Variants in RAI1 observed in about 807,000 individuals in gnomAD.
RAI1 encodes retinoic acid induced 1, also known as retinoic acid-induced protein 1.
A neutral mutation model predicts 123.8 loss-of-function variants in RAI1; 9 were observed. That is an observed-to-expected ratio of 0.07 (90% CI 0.04 to 0.13). RAI1 has a LOEUF of 0.13. RAI1 is among the 10% of genes least tolerant of loss of function. The probability of loss-of-function intolerance (pLI) is 1.00; values close to 1 mark genes in which losing one functional copy is unlikely to be tolerated. For synonymous variants in RAI1, 1,231 were observed against 1,127.3 expected (o/e 1.09, Z -1.84); for missense variants, 2,256 against 2,545.8 (o/e 0.89, Z 2.45).
At chr17:17,752,194 C>G (rs946445318) in intron 2 of RAI1, among the ~76,000 whole-genome samples, 2 of 152,124 alleles carry the variant, frequency 1.3e-5, no homozygotes, top group Admixed American at 1.3e-4. Context: ...AGTGCCGGGA[C>G]TGGGCGCGGG....
intron 2 of RAI1, among the ~76,000 whole-genome samples, chr17:17,743,362 G>A (rs1916706002): frequency 1.3e-5 from 2 of 152,342 alleles, no homozygotes; most frequent in South Asian, 4.1e-4. Flanking sequence ...TGATTTGGGA[G>A]GAATCTGTAC....
Position 17,794,693 on chromosome 17 carries a change from A to G in RAI1, c.1745A>G (p.Asp582Gly). 2 of 1,612,926 alleles carry G rather than the reference A, an allele frequency of 1.2e-6. No homozygotes were observed. Among genetic ancestry groups the G allele is most frequent in the Non-Finnish European group, 1.7e-6 (2 of 1,180,038 alleles). The change falls in exon 3 of 6, where the codon GAC becomes GGC. Residue 582 changes from aspartate to glycine, a missense_variant. Physicochemically the swap from Asp to Gly is moderately conservative, Grantham distance 94. Transcript: ENST00000353383. ...FQSLHGSLPL[D>G]SFSKFVAGER... ...AGCCTACACGGCAGTCTGCCGCTCG[A>G]CAGCTTCTCCAAGTTCGTGGCGGGT...
chr17:17,700,196 T>C (rs968893172), intron 1 of RAI1, among the ~76,000 whole-genome samples: 1 of 152,224 alleles, frequency 6.6e-6, no homozygotes, highest in Non-Finnish European at 1.5e-5. Flanking sequence ...ACATCTGCTC[T>C]CTAGGTTGGG....
intron 2 of RAI1, among the ~76,000 whole-genome samples, chr17:17,756,575 C>T (rs1260132964): frequency 6.6e-6 from 1 of 152,180 alleles, no homozygotes; most frequent in African/African-American, 2.4e-5. Flanking sequence ...ACCTTTACCT[C>T]CCTTACGTAT....
At chr17:17,710,448 C>G (rs1016996489) in intron 1 of RAI1, among the ~76,000 whole-genome samples, 1 of 152,238 alleles carries the variant, frequency 6.6e-6, no homozygotes, top group African/African-American at 2.4e-5. Context: ...TGCTCCATCC[C>G]CCACCCCAGA....
rs1598102046 is a variant in RAI1 at position 17,809,537 on chromosome 17, G to A, written c.5709+98G>A. On this transcript the variant is annotated intron_variant, in intron 5 of 5. Coordinates refer to ENST00000353383, the MANE Select transcript of RAI1 (RefSeq NM_030665.4). The surrounding 1 kb of genome is among the most constrained non-coding windows in gnomAD (Gnocchi z 4.9). ...CAGTCCCCTGGGCCCCCTTGGCTGC[G>A]CAGCCCCGCAGGGCCCAGCCCTAGG... The A allele has an allele frequency of 7.6e-7, 1 of 1,324,276 alleles. No individual in the cohort carries two copies. The highest frequency in any genetic ancestry group is 1.2e-5 in the South Asian group (1 of 85,162). The allele number at this position is 1,324,276 out of a possible 1,614,324, so 82.0% of individuals were successfully genotyped here.
At chr17:17,734,141 A>G (rs1371751322) in intron 2 of RAI1, among the ~76,000 whole-genome samples, 1 of 152,208 alleles carries the variant, frequency 6.6e-6, no homozygotes, top group Admixed American at 6.5e-5. Context: ...CTAGTCAAGC[A>G]CTGGCTAGTT....
intron 3 of RAI1, chr17:17,802,275 C>T (rs1013554410): frequency 1.2e-5 from 5 of 428,158 alleles, no homozygotes; most frequent in South Asian, 3.4e-5. Context: ...ACCACGTCAC[C>T]GCCTCCTCTC....
chr17:17,716,103 C>G (rs1915705213), intron 1 of RAI1, among the ~76,000 whole-genome samples: 1 of 152,210 alleles, frequency 6.6e-6, no homozygotes, highest in Non-Finnish European at 1.5e-5. Context: ...GGGACAAAGT[C>G]AGGGGACTTG....
intron 1 of RAI1, among the ~76,000 whole-genome samples, chr17:17,718,512 GAC>G (rs1488017597): frequency 6.6e-6 from 1 of 152,206 alleles, no homozygotes; most frequent in Non-Finnish European, 1.5e-5. Flanking sequence ...GTTGTTGAAG[GAC>G]CATGCCAGCC....
intron 2 of RAI1, among the ~76,000 whole-genome samples, chr17:17,758,781 G>A (rs1481501199): frequency 1.3e-5 from 2 of 152,222 alleles, no homozygotes; most frequent in Non-Finnish European, 2.9e-5. Flanking sequence ...CACGGGGGCT[G>A]ATGCTGGGCA....
chr17:17,734,025 G>A (rs908203928), intron 2 of RAI1, among the ~76,000 whole-genome samples: 5 of 152,142 alleles, frequency 3.3e-5, no homozygotes, highest in African/African-American at 1.2e-4. Flanking sequence ...TTTGGGTGAG[G>A]ATCTTGGTTC....
intron 1 of RAI1, chr17:17,684,527 A>G (rs1334024873): frequency 6.6e-6 from 1 of 152,060 alleles, no homozygotes; most frequent in African/African-American, 2.4e-5. Flanking sequence ...CTACTCAAGT[A>G]ACACTTGGAT....
intron 2 of RAI1, among the ~76,000 whole-genome samples, chr17:17,746,097 A>G (rs1369675233): frequency 6.6e-6 from 1 of 151,676 alleles, no homozygotes; most frequent in Non-Finnish European, 1.5e-5. Flanking sequence ...CTCCACCAGC[A>G]CCTGTCAGCC....
At chr17:17,718,662 C>CA (rs201328435) in intron 1 of RAI1, among the ~76,000 whole-genome samples, 2,140 of 152,256 alleles carry the variant, frequency 0.014, 56 homozygotes, top group African/African-American at 0.049. Flanking sequence ...AAACCGGATC[C>CA]ATGGGGGCAG....
At chr17:17,743,534 G>C (rs1308470052) in intron 2 of RAI1, among the ~76,000 whole-genome samples, 1 of 152,220 alleles carries the variant, frequency 6.6e-6, no homozygotes, top group Non-Finnish European at 1.5e-5. Context: ...GCCCATCACT[G>C]CTGGTATCCA....
rs961989111 is a variant in RAI1 at position 17,714,850 on chromosome 17, G to T, written c.-148-9178G>T. On this transcript the variant is annotated intron_variant, in intron 1 of 5. Coordinates refer to ENST00000353383, the MANE Select transcript of RAI1 (RefSeq NM_030665.4). The surrounding 1 kb of genome is among the most constrained non-coding windows in gnomAD (Gnocchi z 4.9). ...TGCTCTCCAAGCTGCCTCGTTGCAG[G>T]TGCTGACTTTGGGAGGATTCTCCTT... Among the ~76,000 whole-genome samples, 1 of 152,206 alleles carries T rather than the reference G, an allele frequency of 6.6e-6. No individual in the cohort carries two copies. The highest frequency in any genetic ancestry group is 1.5e-5 in the Non-Finnish European group (1 of 68,040).
intron 2 of RAI1, among the ~76,000 whole-genome samples, chr17:17,770,485 T>C (rs1288610403): frequency 1.3e-5 from 2 of 152,166 alleles, no homozygotes; most frequent in Non-Finnish European, 2.9e-5. Flanking sequence ...AAGAAGATAC[T>C]GCCTCTTCCA....
At chr17:17,749,285 T>C (rs1416072688) in intron 2 of RAI1, among the ~76,000 whole-genome samples, 1 of 152,186 alleles carries the variant, frequency 6.6e-6, no homozygotes, top group Non-Finnish European at 1.5e-5. Flanking sequence ...TTAGCCTGCG[T>C]GGCAGGAGCC....
Sources: gnomAD v4.1 joint callset for allele counts (sites outside exome capture counted in the v4.1 genomes callset) on GRCh38, gnomAD v4.1.1 for gene constraint, Gnocchi (gnomAD v3.1) non-coding constraint, MANE v1.5 for transcripts, NCBI Gene and HGNC (gene_info 2026-07-23, HGNC 2026-07-21) for gene names.